TAPT1: variants seen among roughly 807,000 people sequenced by gnomAD.
TAPT1 encodes the protein transmembrane anterior posterior transformation 1, also known as transmembrane anterior posterior transformation protein 1 homolog.
In TAPT1, 28 loss-of-function variants were observed where a neutral mutation model predicts 65.6. The observed-to-expected ratio is 0.43, with a 90% CI of 0.32 to 0.59. The LOEUF (loss-of-function observed/expected upper bound fraction) is 0.59. Among genes scored for constraint, TAPT1 ranks in the 20% least tolerant of loss-of-function variants. The pLI is 0.09. For missense variants in TAPT1, 563 were observed against 679.9 expected (o/e 0.83, Z 1.91); for synonymous variants, 278 against 245.2 (o/e 1.13, Z -1.25).
chr4:16,164,415 T>C (rs1298747530), intron 13 of TAPT1, among the ~76,000 whole-genome samples: 2 of 152,164 alleles, frequency 1.3e-5, no homozygotes. Context: ...CTGCATGTTC[T>C]CCAGTCTGTG....
At chr4:16,166,854 C>T in intron 12 of TAPT1, 61 bp from the exon 13 acceptor site, 1 of 1,534,094 alleles carries the variant, frequency 6.5e-7, no homozygotes, top group Non-Finnish European at 9.0e-7. Context: ...CTGTGAATGC[C>T]ATCTACTACC....
intron 1 of TAPT1, among the ~76,000 whole-genome samples, chr4:16,217,684 C>T (rs759225872): frequency 2.6e-5 from 4 of 152,152 alleles, no homozygotes; most frequent in Admixed American, 6.5e-5. Flanking sequence ...TAAATAACAA[C>T]GTACCAATAT....
At chr4:16,223,927 T>C (rs777594204) in intron 1 of TAPT1, among the ~76,000 whole-genome samples, 3 of 152,012 alleles carry the variant, frequency 2.0e-5, no homozygotes, top group Non-Finnish European at 4.4e-5. Flanking sequence ...AAATTCCTTG[T>C]GAGAAATGAT....
At chr4:16,207,406 C>A (rs1413340548) in intron 2 of TAPT1, among the ~76,000 whole-genome samples, 2 of 152,194 alleles carry the variant, frequency 1.3e-5, no homozygotes, top group East Asian at 3.8e-4. Context: ...GAAGTCCGTT[C>A]GTTTGAAATG....
intron 12 of TAPT1, among the ~76,000 whole-genome samples, chr4:16,167,938 A>G (rs1747744965): frequency 6.6e-6 from 1 of 152,212 alleles, no homozygotes; most frequent in South Asian, 2.1e-4. Context: ...GATTAAGAAA[A>G]CACATTAAAT....
rs541450187 is a variant in TAPT1 at position 16,204,872 on chromosome 4, C to T, written c.331-2292G>A. Reference sequence around the variant, plus strand: ...ACTCACCACTGGATTTACCATTATACACATTTTAAAATAAAGTTTAACATA... The same window carrying T: ...ACTCACCACTGGATTTACCATTATATACATTTTAAAATAAAGTTTAACATA... On this transcript the variant is annotated intron_variant, in intron 2 of 13. Transcript: ENST00000405303. 3.3e-5 allele frequency among the ~76,000 whole-genome samples: 5 copies of T among 152,358 alleles called. No individual in the cohort carries two copies. The South Asian group carries it at 1.0e-3, about 32-fold the overall frequency.
intron 2 of TAPT1, among the ~76,000 whole-genome samples, chr4:16,209,103 T>C (rs372918459): frequency 4.6e-5 from 7 of 152,146 alleles, no homozygotes; most frequent in East Asian, 3.9e-4. Flanking sequence ...CTTTCCAGCA[T>C]GTGTCGGTGG....
chr4:16,186,236 T>C (rs1399436618), intron 7 of TAPT1, among the ~76,000 whole-genome samples: 3 of 152,208 alleles, frequency 2.0e-5, no homozygotes, highest in Admixed American at 1.3e-4. Context: ...ATTTTCTGTG[T>C]TTCAGTTTTC....
At chr4:16,178,467 T>G (rs974746937) in intron 8 of TAPT1, among the ~76,000 whole-genome samples, 4 of 152,206 alleles carry the variant, frequency 2.6e-5, no homozygotes, top group African/African-American at 9.7e-5. Context: ...AAAACATGGT[T>G]GCATCCTTTA....
Position 16,163,112 on chromosome 4 carries a change from C to T in TAPT1, c.*196G>A, listed in dbSNP as rs182515305. The T allele has an allele frequency of 3.0e-3, 1,936 of 646,086 alleles. 12 individuals carry two copies. Among genetic ancestry groups the T allele is most frequent in the South Asian group, 4.0e-3 (265 of 65,758 alleles). The allele number at this position is 646,086 out of a possible 1,614,324, so 40.0% of individuals were successfully genotyped here. On this transcript the variant is annotated 3_prime_UTR_variant, in exon 14 of 14. Transcript: ENST00000405303. ...ATCAAGCTTCCCAGACAGTCAAGGC[C>T]GGAGGTCGCTCCTGTCCTGTGGTCT...
At chr4:16,175,245 C>G (rs1021470361) in intron 9 of TAPT1, among the ~76,000 whole-genome samples, 3 of 152,030 alleles carry the variant, frequency 2.0e-5, no homozygotes, top group African/African-American at 4.8e-5. Context: ...TTAATTTTGA[C>G]TTCAGATGCT....
intron 2 of TAPT1, among the ~76,000 whole-genome samples, chr4:16,211,509 C>T (rs1447862161): frequency 6.6e-6 from 1 of 152,114 alleles, no homozygotes; most frequent in East Asian, 1.9e-4. Flanking sequence ...ATGCTCCAAA[C>T]AGAAAATCAT....
rs1390133569 is a variant in TAPT1, at chr4:16,194,782, G to A, written c.450-3259C>T. 2.0e-5 allele frequency among the ~76,000 whole-genome samples: 3 copies of A among 152,108 alleles called. No individual in the cohort carries two copies. In the East Asian group the frequency reaches 5.8e-4, roughly 29 times the overall value. On this transcript the variant is annotated intron_variant, in intron 3 of 13. Coordinates refer to ENST00000405303, the MANE Select transcript of TAPT1 (RefSeq NM_153365.3). Reference sequence around the variant, plus strand: ...ATAATTGGTTGCTGCAGGAATGACTGTGATTTTCAGGAGGAATATTATTCA... The same window carrying A: ...ATAATTGGTTGCTGCAGGAATGACTATGATTTTCAGGAGGAATATTATTCA...
intron 7 of TAPT1, among the ~76,000 whole-genome samples, chr4:16,182,085 A>T (rs2149683161): frequency 6.6e-6 from 1 of 152,330 alleles, no homozygotes; most frequent in South Asian, 2.1e-4. Context: ...CTGTTATGTG[A>T]AGATTTTTTG....
chr4:16,222,884 G>C (rs1022595653), intron 1 of TAPT1, among the ~76,000 whole-genome samples: 13 of 152,216 alleles, frequency 8.5e-5, no homozygotes, highest in Non-Finnish European at 1.8e-4. Context: ...CCATGGCACT[G>C]TTACCAGTAG....
Position 16,182,379 on chromosome 4 carries a change from A to G in TAPT1, c.917-2722T>C, listed in dbSNP as rs567681590. On this transcript the variant is annotated intron_variant, in intron 7 of 13. Transcript: ENST00000405303. The stretch of plus-strand genomic sequence containing the variant: ...AGAACTGAACTCTTACATTGATTAA[A>G]AATTAAAATTTCTAGGAATGTTTTC... Among the ~76,000 whole-genome samples the G allele has an allele frequency of 2.6e-5, 4 of 152,342 alleles. No individual in the cohort carries two copies. The South Asian group carries it at 8.3e-4, about 32-fold the overall frequency.
At chr4:16,226,077 G>T (rs1205206395) in intron 1 of TAPT1, 182 bp downstream of exon 1, 13 of 1,022,984 alleles carry the variant, frequency 1.3e-5, no homozygotes, top group Non-Finnish European at 1.5e-5. Flanking sequence ...CCCGCCCGAG[G>T]AACTGTCAAC....
upstream of TAPT1, chr4:16,227,249 C>A (rs1351232926): frequency 4.4e-6 from 2 of 455,496 alleles, no homozygotes; most frequent in South Asian, 3.1e-5. Flanking sequence ...GGCGGACTTT[C>A]CACACTGTCT....
At chr4:16,202,919 A>G (rs1307098194) in intron 2 of TAPT1, among the ~76,000 whole-genome samples, 2 of 152,180 alleles carry the variant, frequency 1.3e-5, no homozygotes, top group African/African-American at 4.8e-5. Flanking sequence ...TGTTTATTAG[A>G]ATGCTTCATT....
Sources: gnomAD v4.1 joint callset for allele counts (sites outside exome capture counted in the v4.1 genomes callset) on GRCh38, gnomAD v4.1.1 for gene constraint, MANE v1.5 for transcripts, NCBI Gene and HGNC (gene_info 2026-07-23, HGNC 2026-07-21) for gene names.